ADGRL3: variants seen among roughly 807,000 people sequenced by gnomAD.
The protein encoded by ADGRL3 is adhesion G protein-coupled receptor L3.
Under a neutral mutation model 153.5 loss-of-function variants are expected in ADGRL3, and 62 were observed. The ratio of observed to expected loss-of-function variants is 0.40; its 90% CI spans 0.33 to 0.50. The LOEUF (loss-of-function observed/expected upper bound fraction) is 0.50, where lower values mean the gene tolerates loss of function less well. ADGRL3 is among the 20% of genes least tolerant of loss of function. The probability of loss-of-function intolerance (pLI) is 0.47; values close to 1 mark genes in which losing one functional copy is unlikely to be tolerated. For synonymous variants in ADGRL3, 710 were observed against 672.5 expected (o/e 1.06, Z -0.86); for missense variants, 1,641 against 1,859.4 (o/e 0.88, Z 2.16).
At chr4:61,804,820 G>A in intron 8 of ADGRL3, among the ~76,000 whole-genome samples, 1 of 152,126 alleles carries the variant, frequency 6.6e-6, no homozygotes, top group East Asian at 1.9e-4. Context: ...TCAAATTCAG[G>A]CTACTACATT....
chr4:61,459,051 A>C (rs1176505346), intron 2 of ADGRL3, among the ~76,000 whole-genome samples: 1 of 151,520 alleles, frequency 6.6e-6, no homozygotes, highest in Non-Finnish European at 1.5e-5. Context: ...CATTTAAGGA[A>C]AAGATTATTT....
chr4:61,315,562 G>A (rs879418405), intron 1 of ADGRL3, among the ~76,000 whole-genome samples: 21 of 152,172 alleles, frequency 1.4e-4, no homozygotes, highest in Admixed American at 1.3e-4. Flanking sequence ...TCCTGGTGGA[G>A]AAGGAGGGGC....
intron 2 of ADGRL3, among the ~76,000 whole-genome samples, chr4:61,433,822 A>T (rs2097407165): frequency 1.3e-5 from 2 of 152,128 alleles, no homozygotes; most frequent in South Asian, 4.1e-4. Context: ...ATATTTTTTT[A>T]AAATCTTTTT....
chr4:61,273,865 C>T (rs1408013303), intron 1 of ADGRL3, among the ~76,000 whole-genome samples: 1 of 151,976 alleles, frequency 6.6e-6, no homozygotes, highest in East Asian at 1.9e-4. Flanking sequence ...TATTTCTTCC[C>T]ACAACGATAT....
intron 25 of ADGRL3, among the ~76,000 whole-genome samples, chr4:62,057,145 T>C (rs1295529872): frequency 6.6e-6 from 1 of 152,180 alleles, no homozygotes; most frequent in Non-Finnish European, 1.5e-5. Flanking sequence ...TTCTGAATGA[T>C]AGATTCAAGT....
chr4:61,726,839 G>A (rs900936638), intron 6 of ADGRL3, among the ~76,000 whole-genome samples: 1 of 151,996 alleles, frequency 6.6e-6, no homozygotes, highest in Non-Finnish European at 1.5e-5. Context: ...AAATATGGGG[G>A]CATTATTGGA....
At chr4:61,224,442 G>A (rs115367396) in intron 1 of ADGRL3, among the ~76,000 whole-genome samples, 2,937 of 152,118 alleles carry the variant, frequency 0.019, 104 homozygotes, top group African/African-American at 0.066. Context: ...AAAATTTATT[G>A]CTTCTTACTA....
At chr4:61,778,723 A>C (rs1326295241) in intron 8 of ADGRL3, among the ~76,000 whole-genome samples, 2 of 152,162 alleles carry the variant, frequency 1.3e-5, no homozygotes, top group African/African-American at 2.4e-5. Flanking sequence ...TTGATGAGAG[A>C]AGCACTACTG....
intron 2 of ADGRL3, among the ~76,000 whole-genome samples, chr4:61,449,511 A>G (rs1055990401): frequency 2.6e-5 from 4 of 152,126 alleles, no homozygotes; most frequent in African/African-American, 4.8e-5. Context: ...CTAGGCAGGT[A>G]CAGTTTAAAA....
chr4:61,871,355 A>C (rs893896857), intron 9 of ADGRL3, among the ~76,000 whole-genome samples: 2 of 152,180 alleles, frequency 1.3e-5, no homozygotes, highest in Admixed American at 6.5e-5. Context: ...AAATCATCTG[A>C]ATTTCCAGCA....
chr4:61,529,341 T>C (rs1274248494), intron 4 of ADGRL3, among the ~76,000 whole-genome samples: 2 of 152,160 alleles, frequency 1.3e-5, no homozygotes, highest in Admixed American at 1.3e-4. Flanking sequence ...GCAGACTGGA[T>C]ATTCTCAATT....
intron 6 of ADGRL3, among the ~76,000 whole-genome samples, chr4:61,699,621 G>T (rs1356124509): frequency 6.6e-6 from 1 of 152,022 alleles, no homozygotes; most frequent in Non-Finnish European, 1.5e-5. Flanking sequence ...GGATATAGAA[G>T]AGTTAATAGA....
chr4:61,930,743 T>G (rs759280883), intron 13 of ADGRL3, among the ~76,000 whole-genome samples: 2 of 152,096 alleles, frequency 1.3e-5, no homozygotes, highest in Non-Finnish European at 2.9e-5. Flanking sequence ...TTTTGGCTCT[T>G]TCCCATTTAT....
intron 5 of ADGRL3, among the ~76,000 whole-genome samples, chr4:61,643,323 A>G (rs2093784009): frequency 1.3e-5 from 2 of 152,002 alleles, no homozygotes; most frequent in South Asian, 2.1e-4. Flanking sequence ...TTCCAACACT[A>G]TGTTGAGTAG....
chr4:61,909,002 GA>G (rs2098709590), intron 11 of ADGRL3, among the ~76,000 whole-genome samples: 1 of 152,096 alleles, frequency 6.6e-6, no homozygotes, highest in Non-Finnish European at 1.5e-5. Flanking sequence ...AAAAATACTT[GA>G]AACTAAGCAA....
chr4:61,545,716 T>C (rs1420356589), intron 4 of ADGRL3, among the ~76,000 whole-genome samples: 1 of 152,138 alleles, frequency 6.6e-6, no homozygotes, highest in Non-Finnish European at 1.5e-5. Context: ...GGTTTGGCTG[T>C]GTTGGCCAGG....
intron 1 of ADGRL3, among the ~76,000 whole-genome samples, chr4:61,313,740 A>G (rs1407457133): frequency 2.0e-5 from 3 of 152,246 alleles, no homozygotes; most frequent in South Asian, 2.1e-4. Flanking sequence ...TAAACTATAC[A>G]TACATTTAAG....
At chr4:61,777,413 C>A (rs769838423) in intron 8 of ADGRL3, among the ~76,000 whole-genome samples, 9 of 151,912 alleles carry the variant, frequency 5.9e-5, no homozygotes, top group Non-Finnish European at 1.3e-4. Flanking sequence ...GTAGTACATG[C>A]TTTTACTACA....
intron 4 of ADGRL3, among the ~76,000 whole-genome samples, chr4:61,552,880 A>G (rs1042637904): frequency 4.6e-5 from 7 of 152,160 alleles, no homozygotes; most frequent in African/African-American, 1.4e-4. Context: ...TCTTCTTCAT[A>G]TAGTGTCCTA....
Sources: gnomAD v4.1 joint callset for allele counts (sites outside exome capture counted in the v4.1 genomes callset) on GRCh38, gnomAD v4.1.1 for gene constraint, MANE v1.5 for transcripts, NCBI Gene and HGNC (gene_info 2026-07-23, HGNC 2026-07-21) for gene names.